The following LARP6 variants were observed in gnomAD, a reference collection of about 807,000 sequenced individuals.
LARP6 encodes la-related protein 6.
LARP6 carries 18 observed loss-of-function variants against 32.8 expected under a neutral mutation model. The ratio of observed to expected loss-of-function variants is 0.55; its 90% CI spans 0.38 to 0.81. LARP6 has a LOEUF of 0.81. LARP6 is among the 40% of genes least tolerant of loss of function. The pLI is 0.00. For missense variants in LARP6, 598 were observed against 663.1 expected, an observed-to-expected ratio of 0.90 and a Z score of 1.08; for synonymous variants, 289 against 267.2, an observed-to-expected ratio of 1.08 and a Z score of -0.80.
At chr15:70,846,415 C>G (rs2032346163) in intron 1 of LARP6, among the ~76,000 whole-genome samples, 1 of 152,114 alleles carries the variant, frequency 6.6e-6, no homozygotes, top group African/African-American at 2.4e-5. Context: ...TCGAGACTAG[C>G]TTGGGCAACG....
At chr15:70,838,960 G>A in intron 1 of LARP6, among the ~76,000 whole-genome samples, 1 of 147,030 alleles carries the variant, frequency 6.8e-6, no homozygotes. Context: ...CTCAAAATGA[G>A]GGAAAAAATA....
At chr15:70,852,116 G>A (rs1040331394) in intron 1 of LARP6, 5 of 350,334 alleles carry the variant, frequency 1.4e-5, no homozygotes, top group African/African-American at 1.1e-4. Context: ...CACATCGGGT[G>A]ATGGCTGCTG....
intron 1 of LARP6, among the ~76,000 whole-genome samples, chr15:70,841,471 T>C (rs1176652021): frequency 6.6e-6 from 1 of 152,146 alleles, no homozygotes. Flanking sequence ...CTCTTCTCCA[T>C]CTTGGTCCTT....
intron 1 of LARP6, among the ~76,000 whole-genome samples, chr15:70,852,542 T>A (rs1199773096): frequency 6.6e-6 from 1 of 152,168 alleles, no homozygotes; most frequent in African/African-American, 2.4e-5. Flanking sequence ...GATAAACCAC[T>A]TGGGGCTATT....
chr15:70,845,534 C>A (rs979624966), intron 1 of LARP6, among the ~76,000 whole-genome samples: 4 of 152,202 alleles, frequency 2.6e-5, no homozygotes, highest in Non-Finnish European at 5.9e-5. Context: ...ACTGTGGATG[C>A]TAACCTTGAT....
intron 1 of LARP6, chr15:70,851,903 A>T: frequency 1.1e-6 from 1 of 906,908 alleles, no homozygotes; most frequent in Non-Finnish European, 1.6e-6. Context: ...CAGAGGACCT[A>T]GAGGTGGGGG....
intron 1 of LARP6, among the ~76,000 whole-genome samples, chr15:70,853,088 A>C (rs2032520174): frequency 6.6e-6 from 1 of 152,064 alleles, no homozygotes; most frequent in South Asian, 2.1e-4. Context: ...GCAGGAACAA[A>C]ACACCAGTCC....
intron 1 of LARP6, among the ~76,000 whole-genome samples, chr15:70,841,365 C>T (rs76659829): frequency 0.013 from 2,019 of 152,286 alleles, 23 homozygotes; most frequent in Admixed American, 0.019. Context: ...TCTAGACCTC[C>T]GTTGGGCAAC....
intron 1 of LARP6, among the ~76,000 whole-genome samples, chr15:70,846,007 T>C (rs1056804692): frequency 6.6e-6 from 1 of 152,244 alleles, no homozygotes; most frequent in Non-Finnish European, 1.5e-5. Context: ...CCTGCTACTT[T>C]CCACTGGCAG....
rs1185593854 is a variant in LARP6 at position 70,830,425 on chromosome 15, T to C, written c.*1627A>G. ...CAATGCCTAGCACGTAGGAAGGTGC[T>C]GAATAAATATTAGCACCTTTTATGG... On this transcript the variant is annotated 3_prime_UTR_variant, in exon 3 of 3. Transcript: ENST00000299213. 2.6e-5 allele frequency: 4 copies of C among 152,254 alleles called. No homozygotes were observed. The highest frequency in any genetic ancestry group is 2.1e-4 in the South Asian group (1 of 4,834). 9.4% of individuals were successfully genotyped at this position (152,254 alleles called of 1,614,324 possible).
In LARP6 at chr15:70,832,202, C is replaced by A; in HGVS notation, c.1326G>T (p.Gly442=). 1 of 1,614,066 alleles carries A rather than the reference C, an allele frequency of 6.2e-7. No individual in the cohort carries two copies. The highest frequency in any genetic ancestry group is 1.1e-5 in the South Asian group (1 of 91,052). The change falls in exon 3 of 3, where the codon GGG becomes GGT. Residue 442 remains glycine, a synonymous_variant. Transcript: ENST00000299213. The stretch of plus-strand genomic sequence containing the variant: ...TCGTACCGGGGCTTTTCTCCTGGGT[C>A]CCCATCTCGGCTTGGCGACGCCTCC... ...WVRRRRQAEM[G]TQEKSPGTSP... is the part of the protein sequence containing the mutation.
Position 70,832,319 on chromosome 15 carries a change from T to C in LARP6, c.1209A>G (p.Arg403=). The C allele has an allele frequency of 6.2e-7, 1 of 1,614,232 alleles. No individual in the cohort carries two copies. The highest frequency in any genetic ancestry group is 8.5e-7 in the Non-Finnish European group (1 of 1,180,038). Residue 403 remains arginine, a synonymous_variant, in exon 3 of 3, where the codon AGA becomes AGG. Transcript: ENST00000299213. ...TCTCAGGGCTGGTGCTGCAGTTCAG[T>C]CTACCTTCCTCCGCCAGTGGGGACT... ...SRKSPLAEEG[R]LNCSTSPEIF...
intron 1 of LARP6, among the ~76,000 whole-genome samples, chr15:70,844,220 G>T (rs1362384238): frequency 1.3e-5 from 2 of 152,080 alleles, no homozygotes; most frequent in Non-Finnish European, 2.9e-5. Flanking sequence ...GCCTCCCAAT[G>T]TGCTGGGATT....
At position 70,829,820 on chromosome 15, in the gene LARP6, G is replaced by A. The variant is rs899149833; in HGVS notation, c.*2232C>T. 5 of 152,234 alleles carry A rather than the reference G, an allele frequency of 3.3e-5. No individual in the cohort carries two copies. The highest frequency in any genetic ancestry group is 9.6e-5 in the African/African-American group (4 of 41,462). The allele number at this position is 152,234 out of a possible 1,614,324, so 9.4% of individuals were successfully genotyped here. ...AAGTTCATCTGTATTCACATGTAAA[G>A]GTGAGGGTGTAGGTATTTTTAAAAG... On this transcript the variant is annotated 3_prime_UTR_variant, in exon 3 of 3. Coordinates refer to ENST00000299213, the MANE Select transcript of LARP6 (RefSeq NM_018357.4).
intron 1 of LARP6, chr15:70,851,639 C>T (rs1485952471): frequency 1.2e-6 from 2 of 1,613,150 alleles, no homozygotes; most frequent in South Asian, 1.1e-5. Flanking sequence ...CAAACATGTC[C>T]TATGTGCTGG....
chr15:70,840,107 A>T (rs1381450265), intron 1 of LARP6, among the ~76,000 whole-genome samples: 1 of 152,246 alleles, frequency 6.6e-6, no homozygotes, highest in African/African-American at 2.4e-5. Flanking sequence ...GCAACACTAC[A>T]TGGAGAAAAG....
At position 70,831,818 on chromosome 15, in the gene LARP6, G is replaced by A. The variant is rs2050307355; in HGVS notation, c.*234C>T. On this transcript the variant is annotated 3_prime_UTR_variant, in exon 3 of 3. Coordinates refer to ENST00000299213, the MANE Select transcript of LARP6 (RefSeq NM_018357.4). The stretch of plus-strand genomic sequence containing the variant: ...AGGGCCATCACACTCACACACATCA[G>A]CCATCATCAAAATAGTGGCCATGCT... The A allele has an allele frequency of 2.7e-6, 1 of 365,210 alleles. No individual in the cohort carries two copies. The highest frequency in any genetic ancestry group is 4.9e-6 in the Non-Finnish European group (1 of 205,276). The allele number at this position is 365,210 out of a possible 1,614,324, so 22.6% of individuals were successfully genotyped here.
At chr15:70,834,119 A>G (rs1035598274) in intron 2 of LARP6, among the ~76,000 whole-genome samples, 1 of 152,212 alleles carries the variant, frequency 6.6e-6, no homozygotes, top group Admixed American at 6.5e-5. Context: ...GCTGCTCTGC[A>G]AAAGAACTGG....
intron 2 of LARP6, among the ~76,000 whole-genome samples, chr15:70,833,510 G>A (rs1404885853): frequency 6.6e-6 from 1 of 152,108 alleles, no homozygotes; most frequent in East Asian, 1.9e-4. Flanking sequence ...GACTTGCCCT[G>A]GAAAATGGAG....
Sources: allele counts gnomAD v4.1 joint callset (sites outside exome capture counted in the v4.1 genomes callset), GRCh38; gene constraint gnomAD v4.1.1; transcripts MANE v1.5; gene names NCBI Gene and HGNC (gene_info 2026-07-23, HGNC 2026-07-21).